The following C2CD2L variants were observed in gnomAD, a reference collection of about 807,000 sequenced individuals.
C2CD2L encodes phospholipid transfer protein C2CD2L.
In C2CD2L, 24 loss-of-function variants were observed where a neutral mutation model predicts 69.9. That is an observed-to-expected ratio of 0.34 (90% CI 0.25 to 0.48). The LOEUF (loss-of-function observed/expected upper bound fraction) is 0.48, where lower values mean the gene tolerates loss of function less well. Among genes scored for constraint, C2CD2L ranks in the 20% least tolerant of loss-of-function variants. The pLI is 0.99. For synonymous variants in C2CD2L, 367 were observed against 391.0 expected (o/e 0.94, Z 0.72); for missense variants, 811 against 941.5 (o/e 0.86, Z 1.81).
chr11:119,105,718 T>C (rs1343627085), upstream of C2CD2L, among the ~76,000 whole-genome samples: 2 of 151,078 alleles, frequency 1.3e-5, no homozygotes, highest in African/African-American at 4.9e-5. Flanking sequence ...ACAGTTCAGA[T>C]ACTGAATTGT....
In C2CD2L at chr11:119,114,375, C is replaced by T. The variant is rs375755693; in HGVS notation, c.1909+10C>T. 28 of 1,613,162 alleles carry T rather than the reference C, an allele frequency of 1.7e-5. No individual in the cohort carries two copies. The highest frequency in any genetic ancestry group is 6.6e-5 in the South Asian group (6 of 91,068). On this transcript the variant is annotated intron_variant, in intron 13 of 13. Transcript: ENST00000648610. The surrounding 1 kb of genome is among the most constrained non-coding windows in gnomAD (Gnocchi z 5.1). The stretch of plus-strand genomic sequence containing the variant: ...CTCAAGGATCACAAAGGTAGGGGGA[C>T]GTTGGCAGGGTGCCCCTCATCTCTT...
At chr11:119,108,117 G>A (rs1368406988) in intron 1 of C2CD2L, 22 bp downstream of exon 1, 9 of 1,519,686 alleles carry the variant, frequency 5.9e-6, no homozygotes, top group Non-Finnish European at 8.1e-6. Flanking sequence ...CAAGCGCTTG[G>A]GTGGTCCCTT....
rs639661 is a variant in C2CD2L at position 119,118,290 on chromosome 11, C to T, written c.*2034C>T. 2 of 152,178 alleles carry T rather than the reference C, an allele frequency of 1.3e-5. No individual in the cohort carries two copies. Among genetic ancestry groups the T allele is most frequent in the South Asian group, 2.1e-4 (1 of 4,826 alleles). 9.4% of individuals were successfully genotyped at this position (152,178 alleles called of 1,614,324 possible). On this transcript the variant is annotated 3_prime_UTR_variant, in exon 14 of 14. Transcript: ENST00000648610. ...AGTCTCCGATGTCTTTTATTCCACTCTATATGTCCATGTATACCCATTATT... is the reference window on the plus strand; with the variant it reads ...AGTCTCCGATGTCTTTTATTCCACTTTATATGTCCATGTATACCCATTATT...
rs1381300829 is a variant in C2CD2L, at chr11:119,109,231, T to C, written c.355-873T>C. On this transcript the variant is annotated intron_variant, in intron 1 of 13. Coordinates refer to ENST00000648610, the MANE Select transcript of C2CD2L (RefSeq NM_001290474.2). The surrounding 1 kb of genome is among the most constrained non-coding windows in gnomAD (Gnocchi z 5.1). ...GAGCAAAGGAGTTGGCTTCCCCTGGTTTGCCAAGCAAATGAACCCTATGGA... is the reference window on the plus strand; with the variant it reads ...GAGCAAAGGAGTTGGCTTCCCCTGGCTTGCCAAGCAAATGAACCCTATGGA... Among the ~76,000 whole-genome samples the C allele has an allele frequency of 6.6e-6, 1 of 152,160 alleles. No individual in the cohort carries two copies. The highest frequency in any genetic ancestry group is 1.5e-5 in the Non-Finnish European group (1 of 68,038).
intron 7 of C2CD2L, chr11:119,111,913 G>C: frequency 2.2e-6 from 1 of 458,116 alleles, no homozygotes; most frequent in South Asian, 2.7e-5. Flanking sequence ...GCCTAGGTGG[G>C]GGGGAGATTA....
Position 119,114,007 on chromosome 11 carries a change from G to T in C2CD2L, c.1623+19G>T, listed in dbSNP as rs1262964331. On this transcript the variant is annotated intron_variant, in intron 12 of 13. Transcript: ENST00000648610. This position sits in a 1 kb window ranked among gnomAD's most constrained non-coding sequence, Gnocchi z 5.1. Reference sequence around the variant, plus strand: ...TTCCAAGGTAACAGGGCTCTGGGGAGAGGAGCTGGGATGGGGAGAAAGCCC... The same window carrying T: ...TTCCAAGGTAACAGGGCTCTGGGGATAGGAGCTGGGATGGGGAGAAAGCCC... 1 of 1,613,420 alleles carries T rather than the reference G, an allele frequency of 6.2e-7. No homozygotes were observed. The highest frequency in any genetic ancestry group is 2.2e-5 in the East Asian group (1 of 44,878).
Position 119,114,041 on chromosome 11 carries a change from C to T in C2CD2L, c.1624-39C>T, listed in dbSNP as rs1004834703. The T allele has an allele frequency of 1.4e-5, 22 of 1,613,126 alleles. No individual in the cohort carries two copies. Among genetic ancestry groups the T allele is most frequent in the South Asian group, 2.2e-5 (2 of 91,048 alleles). On this transcript the variant is annotated intron_variant, in intron 12 of 13. Coordinates refer to ENST00000648610, the MANE Select transcript of C2CD2L (RefSeq NM_001290474.2). This position sits in a 1 kb window ranked among gnomAD's most constrained non-coding sequence, Gnocchi z 5.1. ...GGATGGGGAGAAAGCCCTAATGGGT[C>T]GGTCACTCCTGCCCATTAAAACCCG...
Position 119,114,581 on chromosome 11 carries a change from C to T in C2CD2L, c.1909+216C>T, listed in dbSNP as rs1422351579. 1.0e-5 allele frequency: 6 copies of T among 582,810 alleles called. No individual in the cohort carries two copies. Among genetic ancestry groups the T allele is most frequent in the Non-Finnish European group, 1.5e-5 (5 of 327,234 alleles). 36.1% of individuals were successfully genotyped at this position (582,810 alleles called of 1,614,324 possible). On this transcript the variant is annotated intron_variant, in intron 13 of 13. Transcript: ENST00000648610. The surrounding 1 kb of genome is among the most constrained non-coding windows in gnomAD (Gnocchi z 5.1). The stretch of plus-strand genomic sequence containing the variant: ...GATAGGAAGGGATGCCAAATTATTT[C>T]CCTTTACCTCCATTGTTCTTTCTTC...
chr11:119,115,090 A>G (rs1565777928), intron 13 of C2CD2L: 1 of 152,230 alleles, frequency 6.6e-6, no homozygotes, highest in Non-Finnish European at 1.5e-5. Flanking sequence ...CCCCATCTCT[A>G]CTAAAAATAC....
At chr11:119,112,672 GT>G (rs1565775719) in intron 9 of C2CD2L, 27 bp from the exon 10 acceptor site, 1 of 1,610,682 alleles carries the variant, frequency 6.2e-7, no homozygotes, top group South Asian at 1.1e-5. Context: ...CCGAGGCTCT[GT>G]CTCTTCTCTC....
Position 119,112,715 on chromosome 11 carries a change from G to A in C2CD2L, c.1228G>A (p.Gly410Ser). 6.2e-7 allele frequency: 1 copy of A among 1,613,646 alleles called. No individual in the cohort carries two copies. The change falls in exon 10 of 14, where the codon GGC becomes AGC. Residue 410 changes from glycine (G) to serine (S), a missense_variant. Physicochemically the swap from Gly to Ser is moderately conservative, Grantham distance 56. Transcript: ENST00000648610. The part of the protein sequence containing the change: ...TMAVELHYEE[G>S]SPRNLGTPTS... ...CCCTGGGCAGCTTCACTATGAGGAG[G>A]GCTCTCCCCGGAACCTGGGTACTCC... is the stretch of plus-strand genomic sequence containing the variant.
At position 119,114,131 on chromosome 11, in the gene C2CD2L, C is replaced by A. The variant is rs762450140; in HGVS notation, c.1675C>A (p.Leu559Met). 6 of 1,614,018 alleles carry A rather than the reference C, an allele frequency of 3.7e-6. No homozygotes were observed. ...LALSLGYAAS[L>M]EASVQDDAGT... ...GCTATCCCTGGGCTATGCGGCATCC[C>A]TGGAAGCCTCAGTGCAGGATGATGC... Residue 559 changes from leucine to methionine, a missense_variant, in exon 13 of 14, where the codon CTG becomes ATG. Leu to Met is a conservative substitution (Grantham distance 15, BLOSUM62 2). Transcript: ENST00000648610. This position sits in a 1 kb window ranked among gnomAD's most constrained non-coding sequence, Gnocchi z 5.1.
chr11:119,103,150 C>T (rs1484249872), upstream of C2CD2L, among the ~76,000 whole-genome samples: 1 of 151,984 alleles, frequency 6.6e-6, no homozygotes, highest in African/African-American at 2.4e-5. Context: ...CTTGGCCTCC[C>T]AAAATGCTGG....
upstream of C2CD2L, among the ~76,000 whole-genome samples, chr11:119,103,436 T>G (rs1361389095): frequency 5.3e-5 from 8 of 152,118 alleles, no homozygotes; most frequent in East Asian, 1.5e-3. Flanking sequence ...GTGGCTAACG[T>G]CTGTAATCCC....
Position 119,118,325 on chromosome 11 carries a change from C to G in C2CD2L, c.*2069C>G, listed in dbSNP as rs945158251. ...ATGTATACCCATTATTTAGCTCCCA[C>G]TTATAAATGAGAATATGCCATATTT... On this transcript the variant is annotated 3_prime_UTR_variant, in exon 14 of 14. Coordinates refer to ENST00000648610, the MANE Select transcript of C2CD2L (RefSeq NM_001290474.2). The G allele has an allele frequency of 7.9e-5, 12 of 152,162 alleles. No homozygotes were observed. The highest frequency in any genetic ancestry group is 7.9e-4 in the Admixed American group (12 of 15,270). 9.4% of individuals were successfully genotyped at this position (152,162 alleles called of 1,614,324 possible).
chr11:119,117,988 C>G lies in C2CD2L; in HGVS notation c.*1732C>G, dbSNP rs1946932806. 1 of 152,130 alleles carries G rather than the reference C, an allele frequency of 6.6e-6. No individual in the cohort carries two copies. Among genetic ancestry groups the G allele is most frequent in the African/African-American group, 2.4e-5 (1 of 41,420 alleles). The allele number at this position is 152,130 out of a possible 1,614,324, so 9.4% of individuals were successfully genotyped here. ...AGGGCACATGCCTTTGGGTAGATAG[C>G]ATGTGGAAATTGTTACTATTCCCCA... On this transcript the variant is annotated 3_prime_UTR_variant, in exon 14 of 14. Transcript: ENST00000648610.
At chr11:119,102,696 A>G (rs1246002572), upstream of C2CD2L, among the ~76,000 whole-genome samples, 2 of 151,894 alleles carry the variant, frequency 1.3e-5, no homozygotes, top group Non-Finnish European at 2.9e-5. Flanking sequence ...GGCTCTGGAA[A>G]GAGCTGAGGA....
chr11:119,107,676 G>A lies in C2CD2L; in HGVS notation c.-66G>A. 4 of 1,076,396 alleles carry A rather than the reference G, an allele frequency of 3.7e-6. No individual in the cohort carries two copies. In the South Asian group the frequency reaches 6.9e-5, roughly 18 times the overall value. The allele number at this position is 1,076,396 out of a possible 1,614,324, so 66.7% of individuals were successfully genotyped here. On this transcript the variant is annotated 5_prime_UTR_variant, in exon 1 of 14. Coordinates refer to ENST00000648610, the MANE Select transcript of C2CD2L (RefSeq NM_001290474.2). This position sits in a 1 kb window ranked among gnomAD's most constrained non-coding sequence, Gnocchi z 5.4. ...CCCACCTCCTCCCCGCGGCCCGCCC[G>A]GGCCATGCTCCCCCGGGGCAGCGGG...
At chr11:119,115,833 G>A (rs938141560) in intron 13 of C2CD2L, 15 of 596,126 alleles carry the variant, frequency 2.5e-5, no homozygotes, top group African/African-American at 2.2e-4. Context: ...TAAAGCACAT[G>A]TTTGTTTCTG....
Sources: allele counts gnomAD v4.1 joint callset (sites outside exome capture counted in the v4.1 genomes callset), GRCh38; gene constraint gnomAD v4.1.1; non-coding constraint Gnocchi (gnomAD v3.1); transcripts MANE v1.5; gene names NCBI Gene and HGNC (gene_info 2026-07-23, HGNC 2026-07-21).